GALNT13: variants seen among roughly 807,000 people sequenced by gnomAD.
GALNT13 encodes UDP-GalNAc:polypeptide N-acetylgalactosaminyltransferase 13.
Under a neutral mutation model 64.2 loss-of-function variants are expected in GALNT13, and 28 were observed. The observed-to-expected ratio is 0.44, with a 90% CI of 0.32 to 0.60. GALNT13 has a LOEUF of 0.60. GALNT13 is among the 20% of genes least tolerant of loss of function. The pLI is 0.05. For synonymous variants in GALNT13, 214 were observed against 224.6 expected, an observed-to-expected ratio of 0.95 and a Z score of 0.42; for missense variants, 577 against 669.8, an observed-to-expected ratio of 0.86 and a Z score of 1.53.
chr2:153,842,847 T>C, the GALNT13 span, among the ~76,000 whole-genome samples: 1 of 152,076 alleles, frequency 6.6e-6, no homozygotes, highest in Non-Finnish European at 1.5e-5. Flanking sequence ...TATGACAAGA[T>C]TGAAGCATAT....
At chr2:153,245,005 C>A in the GALNT13 span, among the ~76,000 whole-genome samples, 5 of 152,224 alleles carry the variant, frequency 3.3e-5, no homozygotes, top group Non-Finnish European at 4.4e-5. Context: ...GCTAAGGAGA[C>A]TGAGAGGTCT....
At chr2:154,299,542 C>T (rs1693299369) in intron 8 of GALNT13, among the ~76,000 whole-genome samples, 1 of 151,156 alleles carries the variant, frequency 6.6e-6, no homozygotes, top group Admixed American at 6.6e-5. Flanking sequence ...GCAACCTCCG[C>T]CTCCCGGGTT....
At chr2:153,977,126 C>G (rs1694125367) in intron 3 of GALNT13, among the ~76,000 whole-genome samples, 1 of 152,132 alleles carries the variant, frequency 6.6e-6, no homozygotes, top group Non-Finnish European at 1.5e-5. Context: ...AGCTGTCATT[C>G]AAAATCCTTT....
chr2:153,536,847 C>T, the GALNT13 span, among the ~76,000 whole-genome samples: 1 of 152,008 alleles, frequency 6.6e-6, no homozygotes, highest in Non-Finnish European at 1.5e-5. Flanking sequence ...TACAATTATT[C>T]TTGCAATAAA....
chr2:153,555,339 C>T, the GALNT13 span, among the ~76,000 whole-genome samples: 107 of 135,738 alleles, frequency 7.9e-4, 10 homozygotes, highest in Middle Eastern at 0.011. Flanking sequence ...GGACTACAGG[C>T]GCCCGCTACC....
intron 12 of GALNT13, among the ~76,000 whole-genome samples, chr2:154,442,384 C>A (rs1701343477): frequency 6.6e-6 from 1 of 151,952 alleles, no homozygotes; most frequent in African/African-American, 2.4e-5. Flanking sequence ...TTTCTCACAC[C>A]CCTAACTAAA....
chr2:153,169,765 G>C, the GALNT13 span, among the ~76,000 whole-genome samples: 1 of 152,092 alleles, frequency 6.6e-6, no homozygotes, highest in Non-Finnish European at 1.5e-5. Context: ...TATTTTCTTT[G>C]TCTTTTCAAA....
chr2:154,366,168 TTC>T (rs1446113127), intron 9 of GALNT13, among the ~76,000 whole-genome samples: 3 of 152,208 alleles, frequency 2.0e-5, no homozygotes, highest in Non-Finnish European at 2.9e-5. Flanking sequence ...CAGCCAGTTA[TTC>T]TCTTTTCTTC....
chr2:153,545,764 A>G, the GALNT13 span, among the ~76,000 whole-genome samples: 1 of 151,960 alleles, frequency 6.6e-6, no homozygotes, highest in Non-Finnish European at 1.5e-5. Context: ...ATCTGTCCCA[A>G]CTCTGGTCTG....
At chr2:153,542,350 ACAC>A in the GALNT13 span, among the ~76,000 whole-genome samples, 414 of 133,600 alleles carry the variant, frequency 3.1e-3, 3 homozygotes, top group African/African-American at 9.2e-3. Context: ...AAACAAACAC[ACAC>A]ACACACAAAA....
intron 1 of GALNT13, among the ~76,000 whole-genome samples, chr2:153,886,072 G>A (rs894060832): frequency 1.3e-5 from 2 of 151,372 alleles, no homozygotes; most frequent in East Asian, 1.9e-4. Context: ...TGTAGGATAC[G>A]TATACCACAA....
chr2:153,955,314 C>T (rs1692486567), intron 3 of GALNT13, among the ~76,000 whole-genome samples: 1 of 152,068 alleles, frequency 6.6e-6, no homozygotes, highest in Admixed American at 6.5e-5. Flanking sequence ...AAAGTGGTAC[C>T]TGCTGTAAGA....
the GALNT13 span, among the ~76,000 whole-genome samples, chr2:153,798,849 A>C: frequency 3.3e-5 from 5 of 152,318 alleles, no homozygotes; most frequent in Admixed American, 2.6e-4. Flanking sequence ...AGAAGTAGTT[A>C]AACTGTTATC....
chr2:154,224,232 T>G (rs1299364798), intron 4 of GALNT13, among the ~76,000 whole-genome samples: 2 of 152,128 alleles, frequency 1.3e-5, no homozygotes, highest in East Asian at 3.9e-4. Flanking sequence ...CTTCACATTT[T>G]AATAGGAGTT....
chr2:153,449,329 T>C, the GALNT13 span, among the ~76,000 whole-genome samples: 15 of 152,032 alleles, frequency 9.9e-5, no homozygotes, highest in Admixed American at 1.3e-4. Flanking sequence ...TCTGCTTACT[T>C]CTCACCATTT....
intron 1 of GALNT13, among the ~76,000 whole-genome samples, chr2:153,886,130 G>T (rs1687158707): frequency 6.6e-6 from 1 of 150,650 alleles, no homozygotes; most frequent in African/African-American, 2.4e-5. Flanking sequence ...TAATTTATGT[G>T]GTAAAACCTA....
the GALNT13 span, among the ~76,000 whole-genome samples, chr2:153,662,385 A>T: frequency 1.7e-4 from 26 of 152,160 alleles, no homozygotes; most frequent in Non-Finnish European, 3.8e-4. Context: ...TTACTTTCCA[A>T]TAGACTTGGT....
At chr2:153,404,913 C>G in the GALNT13 span, among the ~76,000 whole-genome samples, 15,330 of 152,090 alleles carry the variant, frequency 0.1, 902 homozygotes, top group South Asian at 0.23. Flanking sequence ...ATATGTGATG[C>G]TCATTTTAGC....
the GALNT13 span, among the ~76,000 whole-genome samples, chr2:153,724,160 A>G: frequency 9.2e-4 from 130 of 142,056 alleles, no homozygotes; most frequent in African/African-American, 3.5e-3. Flanking sequence ...ACATACCTAC[A>G]ACTATCTGAT....
Sources: gnomAD v4.1 joint callset for allele counts (sites outside exome capture counted in the v4.1 genomes callset) on GRCh38, gnomAD v4.1.1 for gene constraint, MANE v1.5 for transcripts, NCBI Gene and HGNC (gene_info 2026-07-23, HGNC 2026-07-21) for gene names.